The following NCKAP5L variants were observed in gnomAD, a reference collection of about 807,000 sequenced individuals.
NCKAP5L encodes NCK associated protein 5 like, also known as nck-associated protein 5-like.
NCKAP5L carries 54 observed loss-of-function variants against 103.2 expected under a neutral mutation model. The ratio of observed to expected loss-of-function variants is 0.52; its 90% CI spans 0.42 to 0.66. NCKAP5L has a LOEUF of 0.66. NCKAP5L is among the 30% of genes least tolerant of loss of function. NCKAP5L has a pLI of 0.00. For synonymous variants in NCKAP5L, 762 were observed against 748.6 expected (o/e 1.02, Z -0.29); for missense variants, 1,733 against 1,750.6 (o/e 0.99, Z 0.18).
chr12:49,792,242 G>T lies in NCKAP5L; in HGVS notation c.3793-191C>A. The stretch of plus-strand genomic sequence containing the variant: ...AACAGTCCTACAAGGTTCTGGGGAG[G>T]GACAGAAACCTTTCCCCACGAGAGA... On this transcript the variant is annotated intron_variant, in intron 12 of 12. Coordinates refer to ENST00000335999, the MANE Select transcript of NCKAP5L (RefSeq NM_001037806.4). This position sits in a 1 kb window ranked among gnomAD's most constrained non-coding sequence, Gnocchi z 4.5. The T allele has an allele frequency of 1.7e-6, 2 of 1,172,822 alleles. No individual in the cohort carries two copies. The highest frequency in any genetic ancestry group is 2.4e-6 in the Non-Finnish European group (2 of 816,924). 72.7% of individuals were successfully genotyped at this position (1,172,822 alleles called of 1,614,324 possible).
rs1945961806 is a variant in NCKAP5L, at chr12:49,792,841, C to CAGG, written c.3485_3486insCCT (p.Arg1162_Pro1163insLeu). The stretch of plus-strand genomic sequence containing the variant: ...GGGGGACTTTGGTAAGGGGTGGGGG[C>CAGG]CGAGCTGGGGGTACCCCAGGTGGGG... On this transcript the variant is annotated inframe_insertion, in exon 11 of 13. Coordinates refer to ENST00000335999, the MANE Select transcript of NCKAP5L (RefSeq NM_001037806.4). The surrounding 1 kb of genome is among the most constrained non-coding windows in gnomAD (Gnocchi z 4.5). 2 of 1,566,034 alleles carry CAGG rather than the reference C, an allele frequency of 1.3e-6. No homozygotes were observed. Among genetic ancestry groups the CAGG allele is most frequent in the African/African-American group, 1.3e-5 (1 of 74,220 alleles).
chr12:49,804,144 T>C (rs1299306049), intron 2 of NCKAP5L, 64 bp from the exon 3 acceptor site: 19 of 1,507,768 alleles, frequency 1.3e-5, no homozygotes, highest in Non-Finnish European at 1.2e-5. Context: ...TTTAGTCTCC[T>C]TGGAGCTTAG....
Position 49,793,877 on chromosome 12 carries a change from G to T in NCKAP5L, c.3115C>A (p.Pro1039Thr). ...TTGGGCTCCCGCCAGCTCTTGGATGGCAGCTCCTTGCCATCCACCCTATGG... is the reference window on the plus strand; with the variant it reads ...TTGGGCTCCCGCCAGCTCTTGGATGTCAGCTCCTTGCCATCCACCCTATGG... ...LLNRVDGKEL[P>T]SKSWREPKPE... The change falls in exon 9 of 13, where the codon CCA becomes ACA. Residue 1039 changes from proline to threonine, a missense_variant. Transcript: ENST00000335999. The T allele has an allele frequency of 6.4e-7, 1 of 1,556,568 alleles. No individual in the cohort carries two copies. Among genetic ancestry groups the T allele is most frequent in the Admixed American group, 2.0e-5 (1 of 50,730 alleles).
At chr12:49,816,430 T>C (rs1462715423) in intron 1 of NCKAP5L, among the ~76,000 whole-genome samples, 1 of 138,392 alleles carries the variant, frequency 7.2e-6, no homozygotes, top group Non-Finnish European at 1.5e-5. Context: ...GGACAAACCA[T>C]ACTGAGGGTG....
intron 6 of NCKAP5L, among the ~76,000 whole-genome samples, chr12:49,798,813 C>T (rs989040493): frequency 7.2e-5 from 11 of 152,296 alleles, no homozygotes; most frequent in East Asian, 3.9e-4. Context: ...AGAGGGTTAC[C>T]GCAAAGGTCT....
At position 49,798,444 on chromosome 12, in the gene NCKAP5L, T is replaced by G; in HGVS notation, c.371A>C (p.Gln124Pro). Residue 124 changes from glutamine (Q) to proline (P), a missense_variant, in exon 7 of 13, where the codon CAG (glutamine) becomes CCG (proline). Physicochemically the swap from Gln to Pro is moderately conservative, Grantham distance 76. Transcript: ENST00000335999. ...GGAGGCTGGTGGCTCTGATGGTGGC[T>G]GGAGTGGAGTGAGTGGGATCTGCAG... ...SLPQIPLTPL[Q>P]PPSEPPASPS... 1 of 1,578,680 alleles carries G rather than the reference T, an allele frequency of 6.3e-7. No homozygotes were observed. Among genetic ancestry groups the G allele is most frequent in the Non-Finnish European group, 8.6e-7 (1 of 1,162,182 alleles).
chr12:49,797,248 A>G lies in NCKAP5L; in HGVS notation c.612T>C (p.Leu204=). Residue 204 remains leucine, a synonymous_variant, in exon 8 of 13, where the codon CTT becomes CTC. Transcript: ENST00000335999. This position sits in a 1 kb window ranked among gnomAD's most constrained non-coding sequence, Gnocchi z 4.5. ...GCCAGGGGGTGGCAGGTGAGCAGAGAAGCAAGGGGTCAGTCTCTTCCAGGG... is the reference window on the plus strand; with the variant it reads ...GCCAGGGGGTGGCAGGTGAGCAGAGGAGCAAGGGGTCAGTCTCTTCCAGGG... ...LRALEETDPL[L]LCSPATPWRP... The G allele has an allele frequency of 6.2e-7, 1 of 1,613,480 alleles. No individual in the cohort carries two copies. The highest frequency in any genetic ancestry group is 8.5e-7 in the Non-Finnish European group (1 of 1,179,800).
intron 6 of NCKAP5L, among the ~76,000 whole-genome samples, chr12:49,801,541 T>C (rs1421351193): frequency 1.3e-5 from 2 of 152,170 alleles, no homozygotes; most frequent in African/African-American, 4.8e-5. Flanking sequence ...GCTGTGTCAG[T>C]GGCCAAATAA....
At chr12:49,819,734 T>C (rs1565596892) in intron 1 of NCKAP5L, among the ~76,000 whole-genome samples, 1 of 152,364 alleles carries the variant, frequency 6.6e-6, no homozygotes, top group East Asian at 1.9e-4. Flanking sequence ...TAGATAGCTG[T>C]ACTATGAAGG....
At chr12:49,815,433 T>C (rs752853774) in intron 1 of NCKAP5L, among the ~76,000 whole-genome samples, 2 of 152,262 alleles carry the variant, frequency 1.3e-5, no homozygotes, top group Non-Finnish European at 2.9e-5. Flanking sequence ...TATAATCCAA[T>C]AATATTATCA....
Position 49,793,392 on chromosome 12 carries a change from C to T in NCKAP5L, c.3300G>A (p.Glu1100=). The change falls in exon 10 of 13, where the codon GAG becomes GAA. Residue 1100 remains glutamate (E), a synonymous_variant. Transcript: ENST00000335999. The part of the protein sequence containing the change: ...EPGRREEMPS[E]DSLAEPVPTS... The stretch of plus-strand genomic sequence containing the variant: ...TGGGCACTGGCTCGGCCAGGCTGTC[C>T]TCCGAGGGCATCTCTTCCCGCCTCC... 1 of 1,608,792 alleles carries T rather than the reference C, an allele frequency of 6.2e-7. No homozygotes were observed. Among genetic ancestry groups the T allele is most frequent in the South Asian group, 1.1e-5 (1 of 91,088 alleles).
At chr12:49,800,135 C>T (rs1592751496) in intron 6 of NCKAP5L, among the ~76,000 whole-genome samples, 1 of 152,236 alleles carries the variant, frequency 6.6e-6, no homozygotes, top group Admixed American at 6.5e-5. Flanking sequence ...GCAGAGGTTG[C>T]GGTGAGCCGA....
In NCKAP5L at chr12:49,796,045, G is replaced by C. The variant is rs199597561; in HGVS notation, c.1815C>G (p.Pro605=). The C allele has an allele frequency of 1.6e-5, 25 of 1,567,744 alleles. No individual in the cohort carries two copies. Among genetic ancestry groups the C allele is most frequent in the Middle Eastern group, 3.4e-4 (2 of 5,800 alleles). The change falls in exon 8 of 13, where the codon CCC becomes CCG. Residue 605 remains proline, a synonymous_variant. Transcript: ENST00000335999. ...GGTACGATTCTGGGAGGCAAGGACT[G>C]GGGGGTACTCCAGGGCTTCTGAGGA... ...PEVLRSPGVP[P]SPCLPESYPY...
chr12:49,796,327 C>T lies in NCKAP5L; in HGVS notation c.1533G>A (p.Leu511=). ...LARRGLGGGE[L]SPEGAQGLPT... ...GCAGGCCTTGCGCCCCCTCTGGGGA[C>T]AGCTCTCCTCCACCCAGACCCCTTC... The change falls in exon 8 of 13, where the codon CTG becomes CTA. Residue 511 remains leucine, a synonymous_variant. Transcript: ENST00000335999. 1.3e-6 allele frequency: 2 copies of T among 1,543,498 alleles called. No homozygotes were observed. Among genetic ancestry groups the T allele is most frequent in the South Asian group, 2.5e-5 (2 of 79,430 alleles).
Position 49,795,731 on chromosome 12 carries a change from G to C in NCKAP5L, c.2129C>G (p.Pro710Arg). ...CTGCTCCAGTGGCCTGTGGATGGAG[G>C]GCACCATGTCTCCAGCACTCTCCCC... ...KSGESAGDMV[P>R]SIHRPLEQLE... Residue 710 changes from proline (P) to arginine (R), a missense_variant, in exon 8 of 13, where the codon CCC (proline) becomes CGC (arginine). Physicochemically the swap from Pro to Arg is moderately radical, Grantham distance 103. Transcript: ENST00000335999. The C allele has an allele frequency of 6.2e-7, 1 of 1,605,768 alleles. No homozygotes were observed. Among genetic ancestry groups the C allele is most frequent in the Non-Finnish European group, 8.5e-7 (1 of 1,176,450 alleles).
At chr12:49,804,225 C>A in intron 2 of NCKAP5L, 145 bp from the exon 3 acceptor site, 1 of 643,138 alleles carries the variant, frequency 1.6e-6, no homozygotes, top group Non-Finnish European at 2.5e-6. Flanking sequence ...GTCACGGTCA[C>A]GGGGCAGACA....
intron 1 of NCKAP5L, among the ~76,000 whole-genome samples, chr12:49,816,730 G>C (rs1481810962): frequency 6.6e-6 from 1 of 151,632 alleles, no homozygotes; most frequent in Admixed American, 6.6e-5. Context: ...CTGAGAGGCT[G>C]AGGTTGTGGT....
Position 49,793,918 on chromosome 12 carries a change from T to C in NCKAP5L, c.3096-22A>G, listed in dbSNP as rs1244064604. The C allele has an allele frequency of 3.4e-6, 5 of 1,468,778 alleles. No individual in the cohort carries two copies. The Admixed American group carries it at 7.4e-5, about 22-fold the overall frequency. 91.0% of individuals were successfully genotyped at this position (1,468,778 alleles called of 1,614,324 possible). A position where few individuals can be genotyped will look rare whatever the true frequency, so the allele number is the denominator to read the frequency against. ...CACCCTATGGGCAACAGTGCAGATA[T>C]AGGTGAGGGTGGTCTTGCCTGCCCA... On this transcript the variant is annotated intron_variant, in intron 8 of 12. Coordinates refer to ENST00000335999, the MANE Select transcript of NCKAP5L (RefSeq NM_001037806.4).
chr12:49,804,100 G>A lies in NCKAP5L; in HGVS notation c.-36-20C>T. ...GGCAGGCTACTCCAGGGAATGAGGAGGAAGTGAGAAGGAGGAGGACAAAGA... is the reference window on the plus strand; with the variant it reads ...GGCAGGCTACTCCAGGGAATGAGGAAGAAGTGAGAAGGAGGAGGACAAAGA... On this transcript the variant is annotated intron_variant, in intron 2 of 12. Transcript: ENST00000335999. 6.3e-7 allele frequency: 1 copy of A among 1,595,284 alleles called. No individual in the cohort carries two copies. Among genetic ancestry groups the A allele is most frequent in the South Asian group, 1.1e-5 (1 of 90,692 alleles).
Sources: gnomAD v4.1 joint callset for allele counts (sites outside exome capture counted in the v4.1 genomes callset) on GRCh38, gnomAD v4.1.1 for gene constraint, Gnocchi (gnomAD v3.1) non-coding constraint, MANE v1.5 for transcripts, NCBI Gene and HGNC (gene_info 2026-07-23, HGNC 2026-07-21) for gene names.